Variants in GSG1L observed in about 807,000 individuals in gnomAD.
The protein encoded by GSG1L is germ cell-specific gene 1-like protein.
A neutral mutation model predicts 42.1 loss-of-function variants in GSG1L; 24 were observed. The ratio of observed to expected loss-of-function variants is 0.57; its 90% CI spans 0.41 to 0.80. The LOEUF (loss-of-function observed/expected upper bound fraction) is 0.80, where lower values mean the gene tolerates loss of function less well. Ranked by LOEUF, GSG1L falls within the 30% of genes least tolerant of loss-of-function variation. The pLI is 0.00. For synonymous variants in GSG1L, 215 were observed against 203.5 expected (o/e 1.06, Z -0.48); for missense variants, 445 against 472.2 (o/e 0.94, Z 0.53).
intron 2 of GSG1L, among the ~76,000 whole-genome samples, chr16:27,889,918 A>G (rs1426406123): frequency 6.6e-6 from 1 of 152,330 alleles, no homozygotes; most frequent in East Asian, 1.9e-4. Context: ...CAAGGTAGCA[A>G]CGTATCACCC....
At chr16:27,818,000 A>C (rs2083115550) in intron 5 of GSG1L, among the ~76,000 whole-genome samples, 2 of 152,278 alleles carry the variant, frequency 1.3e-5, no homozygotes, top group South Asian at 4.2e-4. Flanking sequence ...TCACCCGAGA[A>C]GCTTGTTCAC....
intron 6 of GSG1L, among the ~76,000 whole-genome samples, chr16:27,793,270 G>T (rs868212726): frequency 6.6e-6 from 1 of 152,036 alleles, no homozygotes; most frequent in African/African-American, 2.4e-5. Flanking sequence ...TGGGGTGGGG[G>T]GTAATATTTT....
chr16:27,915,910 C>G (rs564124534), intron 2 of GSG1L, among the ~76,000 whole-genome samples: 2 of 152,188 alleles, frequency 1.3e-5, no homozygotes, highest in Admixed American at 6.5e-5. Context: ...CCGGGTGGGG[C>G]CCTCGGGCAA....
intron 5 of GSG1L, among the ~76,000 whole-genome samples, chr16:27,815,862 C>T (rs929129239): frequency 1.3e-5 from 2 of 152,188 alleles, no homozygotes; most frequent in Non-Finnish European, 2.9e-5. Flanking sequence ...GTAGTCCCAA[C>T]TACTCGGGAG....
intron 3 of GSG1L, among the ~76,000 whole-genome samples, chr16:27,862,962 T>C (rs1395065234): frequency 6.6e-6 from 1 of 152,092 alleles, no homozygotes; most frequent in African/African-American, 2.4e-5. Flanking sequence ...GTTCTATATA[T>C]AGTTAATAAT....
At chr16:27,845,291 G>A (rs2083430557) in intron 3 of GSG1L, among the ~76,000 whole-genome samples, 1 of 152,208 alleles carries the variant, frequency 6.6e-6, no homozygotes, top group South Asian at 2.1e-4. Context: ...CTGTTGCCAG[G>A]CTGAAGTGCA....
At chr16:27,840,389 C>T (rs2083367171) in intron 4 of GSG1L, among the ~76,000 whole-genome samples, 1 of 152,046 alleles carries the variant, frequency 6.6e-6, no homozygotes, top group Non-Finnish European at 1.5e-5. Context: ...CCACTTTGCT[C>T]GGCCCCAACC....
At chr16:27,938,690 T>A (rs2141080523) in intron 2 of GSG1L, among the ~76,000 whole-genome samples, 1 of 152,254 alleles carries the variant, frequency 6.6e-6, no homozygotes, top group South Asian at 2.1e-4. Flanking sequence ...AGCTCTTCTG[T>A]TATGTTCAGG....
At chr16:27,818,659 C>T (rs747653157) in intron 5 of GSG1L, among the ~76,000 whole-genome samples, 6 of 151,810 alleles carry the variant, frequency 4.0e-5, no homozygotes, top group South Asian at 4.1e-4. Context: ...AAGCAATTCA[C>T]GATGGAATGA....
intron 6 of GSG1L, among the ~76,000 whole-genome samples, chr16:27,803,800 GATAGATATAGAT>G (rs965392760): frequency 8.1e-5 from 6 of 74,246 alleles, no homozygotes; most frequent in South Asian, 3.8e-4. Context: ...TATATAGATA[GATAGATATAGAT>G]ATAGATATAG....
intron 2 of GSG1L, among the ~76,000 whole-genome samples, chr16:27,957,382 A>G (rs1468961523): frequency 6.6e-6 from 1 of 152,222 alleles, no homozygotes; most frequent in Non-Finnish European, 1.5e-5. Context: ...ACATGGAGGC[A>G]TTGCTGTTGA....
rs2083086820 is a variant in GSG1L, at chr16:27,815,655, C to T, written c.831-8101G>A. 2.0e-5 allele frequency among the ~76,000 whole-genome samples: 3 copies of T among 152,176 alleles called. No homozygotes were observed. The South Asian group carries it at 6.2e-4, about 32-fold the overall frequency. On this transcript the variant is annotated intron_variant, in intron 5 of 6. Coordinates refer to ENST00000447459, the MANE Select transcript of GSG1L (RefSeq NM_001109763.2). Reference sequence around the variant, plus strand: ...CCCTCCAGGGGTTGGGGCAGTGGCTCCACTACTCACCAGCCCTGTGCCTGG... The same window carrying T: ...CCCTCCAGGGGTTGGGGCAGTGGCTTCACTACTCACCAGCCCTGTGCCTGG...
rs1212619700 is a variant in GSG1L, at chr16:27,789,519, TGATG to T, written c.*1847_*1850del. The T allele has an allele frequency of 1.3e-5, 2 of 151,396 alleles. No individual in the cohort carries two copies. The highest frequency in any genetic ancestry group is 2.4e-5 in the African/African-American group (1 of 41,162). 9.4% of individuals were successfully genotyped at this position (151,396 alleles called of 1,614,324 possible). On this transcript the variant is annotated 3_prime_UTR_variant, in exon 7 of 7. Transcript: ENST00000447459. ...AGATAGTGGATGGAAAGATGATGGA[TGATG>T]GATGGAAGGATAAATAATGGATAAA...
intron 2 of GSG1L, among the ~76,000 whole-genome samples, chr16:27,919,779 C>G (rs949237892): frequency 6.6e-6 from 1 of 152,128 alleles, no homozygotes; most frequent in African/African-American, 2.4e-5. Context: ...ACATTACACC[C>G]TAGTTGATAA....
chr16:28,019,091 A>G (rs1489327554), intron 1 of GSG1L, among the ~76,000 whole-genome samples: 1 of 152,156 alleles, frequency 6.6e-6, no homozygotes, highest in African/African-American at 2.4e-5. Context: ...CAGCAACTTC[A>G]TCTTGAATAA....
At chr16:27,949,398 G>A (rs567083962) in intron 2 of GSG1L, among the ~76,000 whole-genome samples, 22 of 152,318 alleles carry the variant, frequency 1.4e-4, no homozygotes, top group Admixed American at 3.9e-4. Context: ...GCACACGGCC[G>A]AAATTGGGAA....
intron 2 of GSG1L, among the ~76,000 whole-genome samples, chr16:27,959,552 G>A (rs2085045388): frequency 6.7e-6 from 1 of 150,178 alleles, no homozygotes; most frequent in Admixed American, 6.7e-5. Context: ...GGAAGGGAAG[G>A]GGAAAGAGAG....
chr16:27,797,821 C>CAAAA (rs59207468), intron 6 of GSG1L, among the ~76,000 whole-genome samples: 6 of 77,166 alleles, frequency 7.8e-5, no homozygotes, highest in East Asian at 9.8e-4. Flanking sequence ...GACTCCATCT[C>CAAAA]AAAAAAAAAA....
At chr16:27,942,306 C>T (rs1334041664) in intron 2 of GSG1L, among the ~76,000 whole-genome samples, 1 of 152,308 alleles carries the variant, frequency 6.6e-6, no homozygotes, top group African/African-American at 2.4e-5. Context: ...CTGGCCACCA[C>T]ATCCAGCTAA....
Sources: allele counts gnomAD v4.1 joint callset (sites outside exome capture counted in the v4.1 genomes callset), GRCh38; gene constraint gnomAD v4.1.1; transcripts MANE v1.5; gene names NCBI Gene and HGNC (gene_info 2026-07-23, HGNC 2026-07-21).